Variants in EPS15L1 observed in about 807,000 individuals in gnomAD.
EPS15L1 encodes epidermal growth factor receptor substrate 15-like 1.
In EPS15L1, 43 loss-of-function variants were observed where a neutral mutation model predicts 117.1. That is an observed-to-expected ratio of 0.37 (90% CI 0.29 to 0.47). EPS15L1 has a LOEUF of 0.47. Among genes scored for constraint, EPS15L1 ranks in the 20% least tolerant of loss-of-function variants. EPS15L1 has a pLI of 0.99. For synonymous variants in EPS15L1, 459 were observed against 470.5 expected, an observed-to-expected ratio of 0.98 and a Z score of 0.32; for missense variants, 981 against 1,164.0, an observed-to-expected ratio of 0.84 and a Z score of 2.29.
chr19:16,386,764 T>TG (rs1388798738), intron 19 of EPS15L1, among the ~76,000 whole-genome samples: 1 of 152,148 alleles, frequency 6.6e-6, no homozygotes, highest in Non-Finnish European at 1.5e-5. Context: ...CACGCAAGCC[T>TG]GGGGGGACTC....
At chr19:16,454,476 A>T (rs942629309) in intron 1 of EPS15L1, among the ~76,000 whole-genome samples, 10 of 152,198 alleles carry the variant, frequency 6.6e-5, no homozygotes, top group Non-Finnish European at 1.2e-4. Flanking sequence ...TGTCAGCATG[A>T]GCTGCTTTTG....
At chr19:16,464,729 TACACTA>T (rs149531973) in intron 1 of EPS15L1, among the ~76,000 whole-genome samples, 6,884 of 148,590 alleles carry the variant, frequency 0.046, 383 homozygotes, top group African/African-American at 0.13. Flanking sequence ...ACACATAAAA[TACACTA>T]ACACTAACAC....
At chr19:16,399,407 G>A (rs577793625) in intron 16 of EPS15L1, among the ~76,000 whole-genome samples, 5 of 152,162 alleles carry the variant, frequency 3.3e-5, no homozygotes, top group African/African-American at 1.2e-4. Flanking sequence ...TGGCAGAGAT[G>A]TAATATCTTG....
At chr19:16,391,198 T>C (rs764156318) in intron 19 of EPS15L1, among the ~76,000 whole-genome samples, 15 of 150,924 alleles carry the variant, frequency 9.9e-5, no homozygotes, top group Non-Finnish European at 1.6e-4. Context: ...CCCAAATAAA[T>C]AGGAGTAAGG....
intron 1 of EPS15L1, among the ~76,000 whole-genome samples, chr19:16,464,092 G>A (rs918005398): frequency 6.6e-6 from 1 of 152,214 alleles, no homozygotes; most frequent in African/African-American, 2.4e-5. Flanking sequence ...CCCAAGAGGA[G>A]GAGAAGTGAC....
At position 16,443,879 on chromosome 19, in the gene EPS15L1, A is replaced by G. The variant is rs571548065; in HGVS notation, c.34-1660T>C. 1.6e-3 allele frequency among the ~76,000 whole-genome samples: 237 copies of G among 152,032 alleles called. 2 individuals are homozygous for G. Among genetic ancestry groups the G allele is most frequent in the African/African-American group, 4.4e-3 (181 of 41,434 alleles). On this transcript the variant is annotated intron_variant, in intron 1 of 23. Transcript: ENST00000455140. ...GGAGCTCAAGATCAGTCTGGCCAAC[A>G]TAGTGAAACCCCGTCTCTACTAAAA...
intron 1 of EPS15L1, among the ~76,000 whole-genome samples, chr19:16,451,265 C>T (rs12974924): frequency 1.3e-5 from 2 of 152,098 alleles, no homozygotes; most frequent in African/African-American, 4.8e-5. Flanking sequence ...TCTCCAACAA[C>T]TGCAAGTGAG....
intron 17 of EPS15L1, among the ~76,000 whole-genome samples, chr19:16,394,933 G>A (rs144736649): frequency 1.3e-5 from 2 of 152,180 alleles, no homozygotes; most frequent in African/African-American, 2.4e-5. Context: ...CTTAAAAGGC[G>A]TTCCTGCTGG....
At chr19:16,431,460 T>TCAC (rs1283828085) in intron 7 of EPS15L1, among the ~76,000 whole-genome samples, 7 of 151,434 alleles carry the variant, frequency 4.6e-5, no homozygotes, top group African/African-American at 1.7e-4. Flanking sequence ...TGTGCCACCA[T>TCAC]GCCCAGCTAA....
At chr19:16,453,741 G>A (rs570770879) in intron 1 of EPS15L1, among the ~76,000 whole-genome samples, 6 of 151,896 alleles carry the variant, frequency 4.0e-5, no homozygotes, top group South Asian at 2.1e-4. Flanking sequence ...ATGACTTATC[G>A]GGTACTATGT....
chr19:16,413,315 A>G, intron 13 of EPS15L1: 1 of 674,530 alleles, frequency 1.5e-6, no homozygotes, highest in Non-Finnish European at 2.7e-6. Context: ...TTGTCTCAGC[A>G]CCTGTGTCCA....
intron 16 of EPS15L1, chr19:16,401,359 G>C (rs1187866755): frequency 1.0e-6 from 1 of 985,252 alleles, no homozygotes; most frequent in Non-Finnish European, 1.2e-6. Context: ...AGGCAAGTGT[G>C]GTGTTTAGAG....
chr19:16,396,847 G>A (rs557087422), intron 16 of EPS15L1, among the ~76,000 whole-genome samples: 3 of 152,190 alleles, frequency 2.0e-5, no homozygotes, highest in Non-Finnish European at 4.4e-5. Context: ...TGAAATCACA[G>A]TCACAAAACA....
chr19:16,356,017 G>A (rs1005141499), intron 23 of EPS15L1, among the ~76,000 whole-genome samples, 166 bp from the exon 24 acceptor site: 6 of 152,248 alleles, frequency 3.9e-5, no homozygotes, highest in Non-Finnish European at 5.9e-5. Flanking sequence ...GTGGGCGTGC[G>A]AGCCTGTCTC....
At position 16,375,596 on chromosome 19, in the gene EPS15L1, G is replaced by A. The variant is rs550177321; in HGVS notation, c.2380+1526C>T. ...AGCCACTGCCTCTGTGTAAGGCACA[G>A]GTGGCCTCTTGCAGATGGAAGGGAG... On this transcript the variant is annotated intron_variant, in intron 22 of 23. Coordinates refer to ENST00000455140, the MANE Select transcript of EPS15L1 (RefSeq NM_001258374.3). Among the ~76,000 whole-genome samples, 12 of 152,352 alleles carry A rather than the reference G, an allele frequency of 7.9e-5. 1 individual carries two copies. The South Asian group carries it at 2.5e-3, about 32-fold the overall frequency.
In EPS15L1 at chr19:16,362,000, GA is replaced by G. The variant is rs141885889; in HGVS notation, c.2381-17del. The G allele has an allele frequency of 2.3e-3, 3,068 of 1,354,822 alleles. 4 individuals carry two copies. The highest frequency in any genetic ancestry group is 0.014 in the East Asian group (500 of 36,468). 83.9% of individuals were successfully genotyped at this position (1,354,822 alleles called of 1,614,324 possible). A position where few individuals can be genotyped will look rare whatever the true frequency, so the allele number is the denominator to read the frequency against. ...GTACTTTTACCTGGAAAGTTTAGGAGAAAAAAAAAAGGAGAAAGAAAGAAAT... is the reference window on the plus strand; with the variant it reads ...GTACTTTTACCTGGAAAGTTTAGGAGAAAAAAAAAGGAGAAAGAAAGAAAT... On this transcript the variant is annotated splice_polypyrimidine_tract_variant and intron_variant, in intron 22 of 23. Coordinates refer to ENST00000455140, the MANE Select transcript of EPS15L1 (RefSeq NM_001258374.3).
At chr19:16,441,590 C>T (rs1270073451) in intron 3 of EPS15L1, 6 of 196,664 alleles carry the variant, frequency 3.1e-5, no homozygotes, top group Admixed American at 2.4e-4. Context: ...GATCGCGCCG[C>T]TGCATTCCAG....
At position 16,434,518 on chromosome 19, in the gene EPS15L1, G is replaced by C. The variant is rs189177091; in HGVS notation, c.373-28C>G. 13 of 1,607,120 alleles carry C rather than the reference G, an allele frequency of 8.1e-6. No individual in the cohort carries two copies. In the Admixed American group the frequency reaches 2.2e-4, roughly 27 times the overall value. On this transcript the variant is annotated intron_variant, in intron 6 of 23. Coordinates refer to ENST00000455140, the MANE Select transcript of EPS15L1 (RefSeq NM_001258374.3). ...AGTTGGAAAGAAATAGCCCGAGTAA[G>C]TAGGAGAGCACACCTGTGTGAATGT...
intron 3 of EPS15L1, chr19:16,441,299 C>T (rs184919733): frequency 1.3e-4 from 28 of 222,134 alleles, no homozygotes; most frequent in African/African-American, 1.8e-4. Context: ...AGTGAAACCC[C>T]GTCCCTACTA....
Sources: allele counts gnomAD v4.1 joint callset (sites outside exome capture counted in the v4.1 genomes callset), GRCh38; gene constraint gnomAD v4.1.1; transcripts MANE v1.5; gene names NCBI Gene and HGNC (gene_info 2026-07-23, HGNC 2026-07-21).